Variants in ARHGAP22 observed in about 807,000 individuals in gnomAD.
ARHGAP22 encodes the protein Rho GTPase activating protein 22, also known as rho GTPase-activating protein 22.
In ARHGAP22, 48 loss-of-function variants were observed where a neutral mutation model predicts 59.1. The observed-to-expected ratio is 0.81, with a 90% CI of 0.64 to 1.03. The LOEUF (loss-of-function observed/expected upper bound fraction) is 1.03. Among genes scored for constraint, ARHGAP22 ranks in the 50% least tolerant of loss-of-function variants. The pLI is 0.00. For missense variants in ARHGAP22, 1,015 were observed against 958.7 expected (o/e 1.06, Z -0.78); for synonymous variants, 445 against 416.4 (o/e 1.07, Z -0.84).
chr10:48,629,458 A>G (rs2061557096), intron 1 of ARHGAP22, among the ~76,000 whole-genome samples: 1 of 152,138 alleles, frequency 6.6e-6, no homozygotes, highest in Admixed American at 6.5e-5. Context: ...TGATTTTTGT[A>G]AAAAGTGTAA....
At chr10:48,435,123 G>C in the ARHGAP22 span, 36 of 982,846 alleles carry the variant, frequency 3.7e-5, no homozygotes, top group Admixed American at 8.7e-5. Flanking sequence ...ATTTTTGGGT[G>C]ATTTTTCAAA....
chr10:48,613,131 A>G (rs749265084), intron 1 of ARHGAP22, among the ~76,000 whole-genome samples: 3 of 152,170 alleles, frequency 2.0e-5, no homozygotes, highest in Non-Finnish European at 2.9e-5. Context: ...AGTCTCGTGC[A>G]CATGTGCTGC....
At chr10:48,501,103 C>A (rs1444103045) in intron 3 of ARHGAP22, among the ~76,000 whole-genome samples, 1 of 151,930 alleles carries the variant, frequency 6.6e-6, no homozygotes, top group Non-Finnish European at 1.5e-5. Flanking sequence ...AGGAGAGGGC[C>A]CAGCTACATA....
chr10:48,623,864 A>G (rs1422414643), intron 1 of ARHGAP22: 3 of 152,236 alleles, frequency 2.0e-5, no homozygotes, highest in Admixed American at 2.0e-4. Flanking sequence ...AGAAATTCAA[A>G]TTGGTGACAA....
intron 3 of ARHGAP22, among the ~76,000 whole-genome samples, chr10:48,534,498 G>A (rs1166421136): frequency 6.6e-6 from 1 of 152,210 alleles, no homozygotes; most frequent in African/African-American, 2.4e-5. Context: ...TCCCAAAGGG[G>A]ACAGGTACTT....
At chr10:48,562,709 G>C (rs1367533221) in intron 2 of ARHGAP22, among the ~76,000 whole-genome samples, 1 of 152,182 alleles carries the variant, frequency 6.6e-6, no homozygotes, top group Non-Finnish European at 1.5e-5. Flanking sequence ...TGCCTTGATT[G>C]TGGTGATAGT....
At chr10:48,632,084 C>G (rs2136100398) in intron 1 of ARHGAP22, among the ~76,000 whole-genome samples, 1 of 152,354 alleles carries the variant, frequency 6.6e-6, no homozygotes, top group Non-Finnish European at 1.5e-5. Flanking sequence ...GCAGTGTACA[C>G]TGTACCCAAT....
At chr10:48,600,173 C>T (rs3851553) in intron 1 of ARHGAP22, among the ~76,000 whole-genome samples, 125,992 of 152,258 alleles carry the variant, frequency 0.83, 56,184 homozygotes, top group Non-Finnish European at 0.99. Flanking sequence ...CTGGCACATT[C>T]TAAACACTCA....
At chr10:48,443,152 T>C (rs1292535188), downstream of ARHGAP22, among the ~76,000 whole-genome samples, 2 of 152,192 alleles carry the variant, frequency 1.3e-5, no homozygotes, top group Non-Finnish European at 2.9e-5. Context: ...TGTGCATTCC[T>C]ATGAACCTGC....
chr10:48,475,512 G>A (rs1018456819), intron 4 of ARHGAP22, among the ~76,000 whole-genome samples: 10 of 152,118 alleles, frequency 6.6e-5, no homozygotes, highest in African/African-American at 1.4e-4. Flanking sequence ...TGCAGTTCCC[G>A]TAGTCTTTCT....
intron 4 of ARHGAP22, among the ~76,000 whole-genome samples, chr10:48,470,363 T>A (rs182891021): frequency 6.6e-6 from 1 of 152,300 alleles, no homozygotes. Flanking sequence ...CTCGGGCCTT[T>A]GTTCTGGTAA....
chr10:48,437,302 C>G, the ARHGAP22 span: 3 of 152,114 alleles, frequency 2.0e-5, no homozygotes, highest in African/African-American at 7.2e-5. Flanking sequence ...ATTTGTTAAG[C>G]TAAATATATG....
chr10:48,450,228 C>A, intron 9 of ARHGAP22, 33 bp downstream of exon 9: 1 of 1,600,182 alleles, frequency 6.2e-7, no homozygotes, highest in Admixed American at 1.7e-5. Context: ...GGCTCCGCCC[C>A]GTCACAGGAG....
intron 1 of ARHGAP22, chr10:48,652,177 C>A: frequency 6.7e-7 from 1 of 1,487,538 alleles, no homozygotes; most frequent in Non-Finnish European, 9.1e-7. Flanking sequence ...ATCCCTCAAG[C>A]AAGAAGTCAA....
chr10:48,482,531 G>A (rs73296239), intron 3 of ARHGAP22, among the ~76,000 whole-genome samples: 3,762 of 152,250 alleles, frequency 0.025, 112 homozygotes, highest in African/African-American at 0.068. Flanking sequence ...GCTTTTTCCT[G>A]TATCTTATGA....
At chr10:48,623,150 A>G (rs954747459) in intron 1 of ARHGAP22, among the ~76,000 whole-genome samples, 2 of 152,192 alleles carry the variant, frequency 1.3e-5, no homozygotes, top group Admixed American at 1.3e-4. Context: ...AGACAGTCCT[A>G]TCTTGTTCTC....
the ARHGAP22 span, among the ~76,000 whole-genome samples, chr10:48,431,582 A>G: frequency 5.5e-4 from 83 of 152,292 alleles, no homozygotes; most frequent in African/African-American, 1.9e-3. Context: ...ATACCTTTCT[A>G]TGATCTTGAC....
intron 3 of ARHGAP22, among the ~76,000 whole-genome samples, chr10:48,487,434 T>A (rs894799399): frequency 6.6e-6 from 1 of 152,126 alleles, no homozygotes; most frequent in African/African-American, 2.4e-5. Flanking sequence ...CCAAGTGGGC[T>A]CAAGGTAATC....
chr10:48,537,706 G>A (rs984198669), intron 3 of ARHGAP22, among the ~76,000 whole-genome samples: 3 of 152,196 alleles, frequency 2.0e-5, no homozygotes, highest in Non-Finnish European at 4.4e-5. Context: ...CGGTCTCTTG[G>A]ATGCCTGCAG....
Sources: gnomAD v4.1 joint callset for allele counts (sites outside exome capture counted in the v4.1 genomes callset) on GRCh38, gnomAD v4.1.1 for gene constraint, MANE v1.5 for transcripts, NCBI Gene and HGNC (gene_info 2026-07-23, HGNC 2026-07-21) for gene names.